The following MPZL3 variants were observed in gnomAD, a reference collection of about 807,000 sequenced individuals.
The protein encoded by MPZL3 is myelin protein zero like 3, also known as myelin protein zero-like protein 3.
In MPZL3, 23 loss-of-function variants were observed where a neutral mutation model predicts 24.8. The observed-to-expected ratio is 0.93, with a 90% CI of 0.67 to 1.31. The LOEUF is 1.31. Among genes scored for constraint, MPZL3 ranks in the 40% most tolerant of loss-of-function variants. The pLI is 0.00. For synonymous variants in MPZL3, 99 were observed against 106.5 expected, an observed-to-expected ratio of 0.93 and a Z score of 0.44; for missense variants, 277 against 294.9, an observed-to-expected ratio of 0.94 and a Z score of 0.44.
Position 118,240,334 on chromosome 11 carries a change from A to G in MPZL3, c.117T>C (p.His39=). 6.2e-7 allele frequency: 1 copy of G among 1,608,924 alleles called. No individual in the cohort carries two copies. The highest frequency in any genetic ancestry group is 2.2e-5 in the East Asian group (1 of 44,596). The change falls in exon 2 of 6, where the codon CAT becomes CAC. Residue 39 remains histidine, a synonymous_variant. Transcript: ENST00000278949. ...TCTTTTCTCCAACATAACCTCGGAC[A>G]TGGGCATCTGCACGAATCTCCAAGG... is the stretch of plus-strand genomic sequence containing the variant. ...VFSLEIRADA[H]VRGYVGEKIK... is the part of the protein sequence containing the mutation.
chr11:118,242,195 T>A (rs1949506344), intron 1 of MPZL3, among the ~76,000 whole-genome samples: 1 of 152,246 alleles, frequency 6.6e-6, no homozygotes, highest in Non-Finnish European at 1.5e-5. Context: ...ACTTTCTGGT[T>A]GTGAGACCGT....
chr11:118,236,257 C>T (rs942604832), intron 3 of MPZL3, among the ~76,000 whole-genome samples: 7 of 150,378 alleles, frequency 4.7e-5, no homozygotes, highest in African/African-American at 1.5e-4. Flanking sequence ...CAAGTTATTA[C>T]CTTTAAAAGA....
At chr11:118,241,021 C>T (rs1949491263) in intron 1 of MPZL3, among the ~76,000 whole-genome samples, 2 of 152,086 alleles carry the variant, frequency 1.3e-5, no homozygotes, top group Non-Finnish European at 2.9e-5. Context: ...GAGAAGAAAA[C>T]AGAATAGGTA....
chr11:118,236,780 C>T (rs9651688), intron 3 of MPZL3, among the ~76,000 whole-genome samples: 32,349 of 151,934 alleles, frequency 0.21, 3,553 homozygotes, highest in Middle Eastern at 0.28. Context: ...GTGCATTCCA[C>T]AAGAACTTTG....
chr11:118,237,266 A>C lies in MPZL3; in HGVS notation c.241-6T>G, dbSNP rs199588235. On this transcript the variant is annotated splice_polypyrimidine_tract_variant and splice_region_variant and intron_variant, in intron 2 of 5. Coordinates refer to ENST00000278949, the MANE Select transcript of MPZL3 (RefSeq NM_198275.3). ...AAAGACTGATAATGAAATATCTAAG[A>C]AAGCAACACCATGAGAGAAAAGGTT... The C allele has an allele frequency of 3.4e-3, 5,534 of 1,612,584 alleles. 13 individuals carry two copies. Among genetic ancestry groups the C allele is most frequent in the Non-Finnish European group, 4.3e-3 (5,045 of 1,178,606 alleles).
intron 1 of MPZL3, among the ~76,000 whole-genome samples, chr11:118,251,608 ATTAC>A (rs1306239500): frequency 6.6e-6 from 1 of 152,182 alleles, no homozygotes; most frequent in Non-Finnish European, 1.5e-5. Flanking sequence ...TACTTCTGAT[ATTAC>A]TTAATAAATT....
intron 1 of MPZL3, among the ~76,000 whole-genome samples, chr11:118,244,277 C>G (rs73596559): frequency 0.059 from 8,998 of 152,248 alleles, 669 homozygotes; most frequent in African/African-American, 0.17. Context: ...AAAATAAATA[C>G]ACTCCCTTGT....
chr11:118,244,681 C>A (rs1949537305), intron 1 of MPZL3, among the ~76,000 whole-genome samples: 1 of 152,176 alleles, frequency 6.6e-6, no homozygotes, highest in Non-Finnish European at 1.5e-5. Context: ...CAGGCAGGAC[C>A]TTACAGATTT....
chr11:118,226,840 C>T lies in MPZL3; in HGVS notation c.*3054G>A, dbSNP rs538530603. The T allele has an allele frequency of 1.3e-5, 2 of 152,322 alleles. No individual in the cohort carries two copies. The highest frequency in any genetic ancestry group is 4.8e-5 in the African/African-American group (2 of 41,556). The allele number at this position is 152,322 out of a possible 1,614,324, so 9.4% of individuals were successfully genotyped here. On this transcript the variant is annotated 3_prime_UTR_variant, in exon 6 of 6. Transcript: ENST00000278949. ...CAATGAGGTGCAGCAGTTAACAGCC[C>T]AACACTGGAGTCAAAGGAATGGAGC...
chr11:118,241,598 C>T (rs973022453), intron 1 of MPZL3, among the ~76,000 whole-genome samples: 2 of 152,202 alleles, frequency 1.3e-5, no homozygotes, highest in African/African-American at 4.8e-5. Flanking sequence ...CCTACCCGAA[C>T]CAGAGTAAGT....
chr11:118,238,809 T>A (rs61900652), intron 2 of MPZL3, among the ~76,000 whole-genome samples: 91 of 152,140 alleles, frequency 6.0e-4, no homozygotes, highest in Admixed American at 1.2e-3. Flanking sequence ...AGACAGATAA[T>A]GAGAAATAAT....
chr11:118,247,526 C>T (rs957867797), intron 1 of MPZL3, among the ~76,000 whole-genome samples: 1 of 152,186 alleles, frequency 6.6e-6, no homozygotes, highest in Non-Finnish European at 1.5e-5. Context: ...CAATCACATC[C>T]TCCCAATCAT....
intron 1 of MPZL3, among the ~76,000 whole-genome samples, chr11:118,250,442 TG>T (rs2134720606): frequency 6.6e-6 from 1 of 152,220 alleles, no homozygotes; most frequent in Admixed American, 6.5e-5. Context: ...TTTGGGGTGA[TG>T]AAAATGTTCT....
In MPZL3 at chr11:118,235,540, A is replaced by T; in HGVS notation, c.501T>A (p.Phe167Leu). Residue 167 changes from phenylalanine (F) to leucine (L), a missense_variant, in exon 4 of 6, where the codon TTT becomes TTA. Phe to Leu is a conservative substitution (Grantham distance 22, BLOSUM62 0). Transcript: ENST00000278949. ...SSVALLSILVFVPSAVVVALL... is the reference protein window; with the variant it reads ...SSVALLSILVLVPSAVVVALL... The stretch of plus-strand genomic sequence containing the variant: ...GAGCAACCACCACGGCTGAGGGCAC[A>T]AAGACAAGGATGGAAAGAAGGGCCA... 1 of 1,614,046 alleles carries T rather than the reference A, an allele frequency of 6.2e-7. No individual in the cohort carries two copies. Among genetic ancestry groups the T allele is most frequent in the Non-Finnish European group, 8.5e-7 (1 of 1,179,946 alleles).
At chr11:118,248,855 T>C (rs1949586759) in intron 1 of MPZL3, among the ~76,000 whole-genome samples, 2 of 152,164 alleles carry the variant, frequency 1.3e-5, no homozygotes, top group Admixed American at 6.5e-5. Context: ...ATTCTTTTTT[T>C]CCCCCGTACT....
Position 118,234,868 on chromosome 11 carries a change from T to C in MPZL3, c.617+556A>G, listed in dbSNP as rs185089543. Among the ~76,000 whole-genome samples, 9 of 152,274 alleles carry C rather than the reference T, an allele frequency of 5.9e-5. No homozygotes were observed. In the East Asian group the frequency reaches 1.7e-3, roughly 29 times the overall value. On this transcript the variant is annotated intron_variant, in intron 4 of 5. Transcript: ENST00000278949. Reference sequence around the variant, plus strand: ...TTTGTTTTGATTTCCTTTTACTACATTTATTTTTAGGGAATTTACTAGATC... The same window carrying C: ...TTTGTTTTGATTTCCTTTTACTACACTTATTTTTAGGGAATTTACTAGATC...
intron 5 of MPZL3, 77 bp from the exon 6 acceptor site, chr11:118,229,997 T>C: frequency 7.3e-7 from 1 of 1,372,500 alleles, no homozygotes; most frequent in Non-Finnish European, 1.0e-6. Context: ...GTTAGGATCC[T>C]CCAAATGGAA....
rs773163333 is a variant in MPZL3 at position 118,235,454 on chromosome 11, T to C, written c.587A>G (p.Tyr196Cys). The change falls in exon 4 of 6, where the codon TAT (tyrosine) becomes TGT (cysteine). Residue 196 changes from tyrosine (Y) to cysteine (C), a missense_variant. By Grantham distance (194) the Tyr-to-Cys change is radical (BLOSUM62 -2). Coordinates refer to ENST00000278949, the MANE Select transcript of MPZL3 (RefSeq NM_198275.3). ...GGAAACCTCAATAGATGACTTCTTATAGCCAGACCTGCTCCTCTTCTTCAG... is the reference window on the plus strand; with the variant it reads ...GGAAACCTCAATAGATGACTTCTTACAGCCAGACCTGCTCCTCTTCTTCAG... ...AGLKKRSRSG[Y>C]KKSSIEVSDD... 20 of 1,613,900 alleles carry C rather than the reference T, an allele frequency of 1.2e-5. No individual in the cohort carries two copies. In the East Asian group the frequency reaches 4.0e-4, roughly 32 times the overall value.
chr11:118,247,787 A>C (rs1949572066), intron 1 of MPZL3, among the ~76,000 whole-genome samples: 1 of 151,726 alleles, frequency 6.6e-6, no homozygotes, highest in Non-Finnish European at 1.5e-5. Context: ...GCACCTCTCT[A>C]TGTCTAATAT....
Sources: gnomAD v4.1 joint callset for allele counts (sites outside exome capture counted in the v4.1 genomes callset) on GRCh38, gnomAD v4.1.1 for gene constraint, MANE v1.5 for transcripts, NCBI Gene and HGNC (gene_info 2026-07-23, HGNC 2026-07-21) for gene names.